Variants in GRM5 observed in about 807,000 individuals in gnomAD.
The protein encoded by GRM5 is metabotropic glutamate receptor 5.
In GRM5, 19 loss-of-function variants were observed where a neutral mutation model predicts 83.1. The ratio of observed to expected loss-of-function variants is 0.23; its 90% confidence interval spans 0.16 to 0.34. The LOEUF is 0.34. GRM5 is among the 10% of genes least tolerant of loss of function. GRM5 has a pLI of 1.00. For missense variants in GRM5, 1,160 were observed against 1,588.3 expected (o/e 0.73, Z 4.58); for synonymous variants, 675 against 633.6 (o/e 1.07, Z -0.98).
chr11:89,018,109 C>T (rs1940902752), intron 2 of GRM5, among the ~76,000 whole-genome samples: 1 of 152,090 alleles, frequency 6.6e-6, no homozygotes, highest in Non-Finnish European at 1.5e-5. Flanking sequence ...CAGCATCTGA[C>T]ACAATATATG....
At chr11:88,592,992 A>AT (rs968923862) in intron 6 of GRM5, among the ~76,000 whole-genome samples, 5 of 151,388 alleles carry the variant, frequency 3.3e-5, no homozygotes, top group East Asian at 1.9e-4. Flanking sequence ...TTTGTTCCTT[A>AT]TTTTTTTTGA....
intron 4 of GRM5, among the ~76,000 whole-genome samples, chr11:88,651,298 A>G (rs1418472253): frequency 6.6e-6 from 1 of 152,080 alleles, no homozygotes; most frequent in East Asian, 1.9e-4. Context: ...AAAAGAAGAA[A>G]TTAATAAAGA....
intron 3 of GRM5, among the ~76,000 whole-genome samples, chr11:88,830,837 G>A (rs1024343936): frequency 2.0e-5 from 3 of 152,140 alleles, no homozygotes; most frequent in African/African-American, 4.8e-5. Context: ...CACGTGCCTG[G>A]GGAGACCTCA....
intron 3 of GRM5, among the ~76,000 whole-genome samples, chr11:88,653,708 C>T (rs1939695859): frequency 6.6e-6 from 1 of 151,972 alleles, no homozygotes; most frequent in Admixed American, 6.6e-5. Flanking sequence ...TACATGGAAG[C>T]TGCATAATAT....
intron 2 of GRM5, among the ~76,000 whole-genome samples, chr11:88,970,823 T>C (rs375340829): frequency 2.0e-5 from 3 of 152,180 alleles, no homozygotes; most frequent in Admixed American, 1.3e-4. Context: ...CAGTGGTATG[T>C]AGGGGCCCAG....
intron 2 of GRM5, chr11:88,912,189 A>G (rs532950834): frequency 1.4e-4 from 29 of 210,894 alleles, no homozygotes; most frequent in Non-Finnish European, 2.2e-4. Context: ...TTATTTTTCA[A>G]TAGGTATTCC....
At chr11:88,794,109 T>C (rs865862268) in intron 3 of GRM5, among the ~76,000 whole-genome samples, 2 of 151,976 alleles carry the variant, frequency 1.3e-5, no homozygotes, top group Middle Eastern at 3.4e-3. Flanking sequence ...GGATTGAAGG[T>C]GAGAGATAAT....
chr11:88,957,132 C>T (rs762555025), intron 2 of GRM5, among the ~76,000 whole-genome samples: 1 of 152,162 alleles, frequency 6.6e-6, no homozygotes, highest in Non-Finnish European at 1.5e-5. Context: ...TTGGAGAAGC[C>T]TTCTCAGAGG....
chr11:88,893,691 T>C (rs753309525), intron 2 of GRM5, among the ~76,000 whole-genome samples: 5 of 152,000 alleles, frequency 3.3e-5, no homozygotes, highest in Non-Finnish European at 5.9e-5. Context: ...AAACTCCAAA[T>C]GGAGCTTTAG....
chr11:88,983,600 G>C (rs752877121), intron 2 of GRM5, among the ~76,000 whole-genome samples: 100 of 152,084 alleles, frequency 6.6e-4, no homozygotes, highest in Non-Finnish European at 1.1e-3. Context: ...AACACATACA[G>C]TTACATACAG....
At chr11:88,854,077 T>TAC (rs1555027684) in intron 2 of GRM5, among the ~76,000 whole-genome samples, 14 of 149,288 alleles carry the variant, frequency 9.4e-5, no homozygotes, top group Non-Finnish European at 1.2e-4. Flanking sequence ...TATATATATA[T>TAC]ACACAATGAA....
At chr11:88,579,298 T>C (rs1943178788) in intron 7 of GRM5, among the ~76,000 whole-genome samples, 1 of 152,286 alleles carries the variant, frequency 6.6e-6, no homozygotes, top group African/African-American at 2.4e-5. Flanking sequence ...GAATATCTAC[T>C]GTGTTCTAGC....
chr11:88,990,011 C>A (rs183908750), intron 2 of GRM5, among the ~76,000 whole-genome samples: 3,122 of 151,686 alleles, frequency 0.021, 110 homozygotes, highest in African/African-American at 0.073. Flanking sequence ...TAATTAAAAT[C>A]AGAGCAGAAC....
chr11:88,885,450 GTTTTTTTTTTTTT>G (rs61456975), intron 2 of GRM5, among the ~76,000 whole-genome samples: 7,502 of 62,582 alleles, frequency 0.12, 712 homozygotes, highest in African/African-American at 0.24. Flanking sequence ...TAGGTACCAT[GTTTTTTTTTTTTT>G]TTTTTTTTTT....
At chr11:89,059,589 CTATGTTAGTAT>C in intron 1 of GRM5, among the ~76,000 whole-genome samples, 1 of 152,072 alleles carries the variant, frequency 6.6e-6, no homozygotes, top group Non-Finnish European at 1.5e-5. Flanking sequence ...GTTATTTAAT[CTATGTTAGTAT>C]TATGTTTTAT....
chr11:89,054,328 C>T (rs1458113638), intron 1 of GRM5, among the ~76,000 whole-genome samples: 2 of 151,988 alleles, frequency 1.3e-5, no homozygotes, highest in Non-Finnish European at 1.5e-5. Context: ...ATTTTCAGCC[C>T]GAACACAAAA....
At chr11:88,653,836 T>C (rs1939698454) in intron 3 of GRM5, among the ~76,000 whole-genome samples, 1 of 152,078 alleles carries the variant, frequency 6.6e-6, no homozygotes, top group South Asian at 2.1e-4. Context: ...TTAAAAATAT[T>C]CTCCAACATA....
intron 3 of GRM5, 28 bp downstream of exon 3, chr11:88,849,878 C>T (rs202039986): frequency 9.9e-6 from 16 of 1,609,510 alleles, no homozygotes; most frequent in Non-Finnish European, 1.3e-5. Context: ...GGTATTAACT[C>T]CATGTAAATT....
intron 3 of GRM5, among the ~76,000 whole-genome samples, chr11:88,827,314 C>A (rs916571846): frequency 6.6e-6 from 1 of 152,156 alleles, no homozygotes; most frequent in Non-Finnish European, 1.5e-5. Context: ...CTTAATCTTC[C>A]AGCACACTTC....
Sources: gnomAD v4.1 joint callset for allele counts (sites outside exome capture counted in the v4.1 genomes callset) on GRCh38, gnomAD v4.1.1 for gene constraint, MANE v1.5 for transcripts, NCBI Gene and HGNC (gene_info 2026-07-23, HGNC 2026-07-21) for gene names.